ERGIC1: variants seen among roughly 807,000 people sequenced by gnomAD.
The protein encoded by ERGIC1 is endoplasmic reticulum-golgi intermediate compartment 1.
Under a neutral mutation model 38.3 loss-of-function variants are expected in ERGIC1, and 19 were observed. The observed-to-expected ratio is 0.50, with a 90% CI of 0.35 to 0.73. ERGIC1 has a LOEUF of 0.73. ERGIC1 is among the 30% of genes least tolerant of loss of function. The pLI is 0.01. For missense variants in ERGIC1, 294 were observed against 389.2 expected (o/e 0.76, Z 2.06); for synonymous variants, 124 against 157.6 (o/e 0.79, Z 1.60).
chr5:172,858,605 C>T (rs772722577), intron 1 of ERGIC1, among the ~76,000 whole-genome samples: 6 of 152,172 alleles, frequency 3.9e-5, no homozygotes, highest in Admixed American at 2.0e-4. Flanking sequence ...AGTCCTCTGC[C>T]GGCATCCAGC....
intron 3 of ERGIC1, among the ~76,000 whole-genome samples, chr5:172,901,015 C>A (rs1342601943): frequency 6.6e-6 from 1 of 152,174 alleles, no homozygotes; most frequent in Admixed American, 6.5e-5. Flanking sequence ...CTTGTGGCCC[C>A]CAGGAAGCCC....
intron 1 of ERGIC1, among the ~76,000 whole-genome samples, chr5:172,881,193 G>T (rs1440573553): frequency 6.6e-6 from 1 of 152,130 alleles, no homozygotes; most frequent in East Asian, 1.9e-4. Flanking sequence ...GTTGCGATGA[G>T]CTGAGATCAC....
chr5:172,893,935 G>GTGTGTGTATATATA (rs1429850022), intron 2 of ERGIC1, among the ~76,000 whole-genome samples: 1 of 42,828 alleles, frequency 2.3e-5, no homozygotes, highest in Non-Finnish European at 4.6e-5. Context: ...GTGTGTGTGT[G>GTGTGTGTATATATA]TATATATATA....
Position 172,834,586 on chromosome 5 carries a change from C to CT in ERGIC1, c.20+153_20+154insT, listed in dbSNP as rs1554105689. On this transcript the variant is annotated intron_variant, in intron 1 of 9. Transcript: ENST00000393784. The surrounding 1 kb of genome is among the most constrained non-coding windows in gnomAD (Gnocchi z 4.1). ...CCCTAGGGACCCCAGGCGAGCCCCC[C>CT]CCCTGCCGCACACGAAGCCAGCCAG... 2.8e-3 allele frequency among the ~76,000 whole-genome samples: 371 copies of CT among 133,188 alleles called. 13 individuals are homozygous for CT. Among genetic ancestry groups the CT allele is most frequent in the Middle Eastern group, 3.8e-3 (1 of 262 alleles). 87.4% of individuals were successfully genotyped at this position (133,188 alleles called of 152,430 possible).
rs535939216 is a variant in ERGIC1, at chr5:172,849,342, G to C, written c.20+14909G>C. 3.9e-5 allele frequency among the ~76,000 whole-genome samples: 6 copies of C among 152,290 alleles called. No homozygotes were observed. The East Asian group carries it at 1.2e-3, about 29-fold the overall frequency. ...GGATCCGGGAGAGTCAGATTCAGGTGGCCTGGGAATCTGCATTTTCACCAG... is the reference window on the plus strand; with the variant it reads ...GGATCCGGGAGAGTCAGATTCAGGTCGCCTGGGAATCTGCATTTTCACCAG... On this transcript the variant is annotated intron_variant, in intron 1 of 9. Coordinates refer to ENST00000393784, the MANE Select transcript of ERGIC1 (RefSeq NM_001031711.3).
intron 1 of ERGIC1, among the ~76,000 whole-genome samples, chr5:172,875,954 T>C (rs1762132464): frequency 6.6e-6 from 1 of 152,220 alleles, no homozygotes; most frequent in Non-Finnish European, 1.5e-5. Flanking sequence ...ATGTAACCTG[T>C]TCCTGGTATT....
intron 4 of ERGIC1, among the ~76,000 whole-genome samples, chr5:172,913,068 C>CCT (rs55918057): frequency 0.99 from 151,211 of 152,366 alleles, 75,035 homozygotes; most frequent in East Asian, 1. Context: ...TGTGCCCAGT[C>CCT]GTTTTACTTT....
chr5:172,906,503 G>A (rs1353386838), intron 3 of ERGIC1, among the ~76,000 whole-genome samples: 2 of 152,138 alleles, frequency 1.3e-5, no homozygotes, highest in Non-Finnish European at 2.9e-5. Flanking sequence ...GAATATCCTT[G>A]TGGGCCCCAC....
intron 1 of ERGIC1, among the ~76,000 whole-genome samples, chr5:172,879,117 A>G (rs1762219029): frequency 6.6e-6 from 1 of 152,258 alleles, no homozygotes; most frequent in East Asian, 1.9e-4. Context: ...GGCGAACCAC[A>G]GAGTGATCCG....
chr5:172,874,210 C>G (rs1417374446), intron 1 of ERGIC1, among the ~76,000 whole-genome samples: 3 of 152,154 alleles, frequency 2.0e-5, no homozygotes, highest in Non-Finnish European at 1.5e-5. Context: ...TCCCAAGTAG[C>G]TGGGATTACA....
At chr5:172,861,103 C>T (rs1186864865) in intron 1 of ERGIC1, among the ~76,000 whole-genome samples, 3 of 152,132 alleles carry the variant, frequency 2.0e-5, no homozygotes, top group African/African-American at 4.8e-5. Flanking sequence ...CCATCCGCCT[C>T]GCTGACCTCG....
intron 3 of ERGIC1, among the ~76,000 whole-genome samples, chr5:172,897,443 A>AAAAAGGAG (rs780361647): frequency 7.0e-6 from 1 of 142,414 alleles, no homozygotes; most frequent in African/African-American, 2.7e-5. Flanking sequence ...AAAAAAAAAA[A>AAAAAGGAG]AGAGAGAGAG....
chr5:172,889,695 C>T (rs1454148305), intron 2 of ERGIC1, among the ~76,000 whole-genome samples: 1 of 152,180 alleles, frequency 6.6e-6, no homozygotes, highest in Admixed American at 6.5e-5. Context: ...AGAGACAAAT[C>T]CATTCAGAAG....
rs547746009 is a variant in ERGIC1 at position 172,901,023 on chromosome 5, C to T, written c.155+3949C>T. Among the ~76,000 whole-genome samples the T allele has an allele frequency of 1.1e-4, 16 of 152,328 alleles. No individual in the cohort carries two copies. The South Asian group carries it at 2.3e-3, about 22-fold the overall frequency. On this transcript the variant is annotated intron_variant, in intron 3 of 9. Coordinates refer to ENST00000393784, the MANE Select transcript of ERGIC1 (RefSeq NM_001031711.3). ...TCAGAAGCTTGTGGCCCCCAGGAAG[C>T]CCTACAGGTTTGGGAACAACTGAAG...
chr5:172,903,175 C>T (rs1348436093), intron 3 of ERGIC1, among the ~76,000 whole-genome samples: 1 of 152,194 alleles, frequency 6.6e-6, no homozygotes, highest in African/African-American at 2.4e-5. Flanking sequence ...TCCACTCAGG[C>T]TCATTCCACT....
intron 3 of ERGIC1, among the ~76,000 whole-genome samples, chr5:172,899,311 C>CT (rs34478179): frequency 0.19 from 15,898 of 82,854 alleles, 1,276 homozygotes; most frequent in African/African-American, 0.33. Context: ...GGAGTTACTT[C>CT]TTTTTTTTTT....
At chr5:172,913,030 A>G (rs1039873741) in intron 4 of ERGIC1, among the ~76,000 whole-genome samples, 1 of 151,560 alleles carries the variant, frequency 6.6e-6, no homozygotes, top group Admixed American at 6.6e-5. Context: ...TGGCCTCCCA[A>G]AGTGCTGCGA....
In ERGIC1 at chr5:172,880,885, C is replaced by T. The variant is rs2113219935; in HGVS notation, c.21-7814C>T. ...CTCCCATTCCCTTGACCCCTGGCAT[C>T]CAGGTTAGTTTTTCTTAAGTCCAGT... On this transcript the variant is annotated intron_variant, in intron 1 of 9. Transcript: ENST00000393784. Among the ~76,000 whole-genome samples the T allele has an allele frequency of 1.3e-5, 2 of 152,316 alleles. 1 individual carries two copies. The highest frequency in any genetic ancestry group is 1.3e-4 in the Admixed American group (2 of 15,308).
At chr5:172,872,911 A>C (rs562199707) in intron 1 of ERGIC1, among the ~76,000 whole-genome samples, 2 of 152,252 alleles carry the variant, frequency 1.3e-5, no homozygotes, top group African/African-American at 2.4e-5. Context: ...GTCAAGGGAC[A>C]CTTGGGGTCC....
Sources: allele counts gnomAD v4.1 joint callset (sites outside exome capture counted in the v4.1 genomes callset), GRCh38; gene constraint gnomAD v4.1.1; non-coding constraint Gnocchi (gnomAD v3.1); transcripts MANE v1.5; gene names NCBI Gene and HGNC (gene_info 2026-07-23, HGNC 2026-07-21).